CAPRIN1: variants seen among roughly 807,000 people sequenced by gnomAD.
CAPRIN1 encodes the protein caprin-1.
Under a neutral mutation model 100.9 loss-of-function variants are expected in CAPRIN1, and 29 were observed. The observed-to-expected ratio is 0.29, with a 90% CI of 0.21 to 0.39. The LOEUF (loss-of-function observed/expected upper bound fraction) is 0.39. Ranked by LOEUF, CAPRIN1 falls within the 10% of genes least tolerant of loss-of-function variation. The pLI is 1.00. For synonymous variants in CAPRIN1, 338 were observed against 307.5 expected, an observed-to-expected ratio of 1.10 and a Z score of -1.04; for missense variants, 795 against 876.7, an observed-to-expected ratio of 0.91 and a Z score of 1.18.
At chr11:34,056,101 G>C (rs1414759725) in intron 2 of CAPRIN1, among the ~76,000 whole-genome samples, 1 of 152,138 alleles carries the variant, frequency 6.6e-6, no homozygotes, top group African/African-American at 2.4e-5. Context: ...TTCCTCTTTA[G>C]AAACCCTTGT....
Position 34,054,290 on chromosome 11 carries a change from G to A in CAPRIN1, c.216+1654G>A, listed in dbSNP as rs1850402042. On this transcript the variant is annotated intron_variant, in intron 2 of 18. Coordinates refer to ENST00000341394, the MANE Select transcript of CAPRIN1 (RefSeq NM_005898.5). Reference sequence around the variant, plus strand: ...ATTATAGGTAATTGGAATAGTAAATGTAGTTACATCAAGAAAGTAACAAAA... The same window carrying A: ...ATTATAGGTAATTGGAATAGTAAATATAGTTACATCAAGAAAGTAACAAAA... Among the ~76,000 whole-genome samples the A allele has an allele frequency of 2.0e-5, 3 of 152,088 alleles. 1 individual carries two copies. In the South Asian group the frequency reaches 6.2e-4, roughly 32 times the overall value.
chr11:34,072,236 T>C (rs896418196), intron 4 of CAPRIN1, among the ~76,000 whole-genome samples: 3 of 151,826 alleles, frequency 2.0e-5, no homozygotes, highest in Non-Finnish European at 2.9e-5. Flanking sequence ...AGGCCAAGAG[T>C]TCATGGCTGT....
chr11:34,073,765 G>A (rs1850850486), intron 4 of CAPRIN1, among the ~76,000 whole-genome samples: 1 of 152,098 alleles, frequency 6.6e-6, no homozygotes, highest in Non-Finnish European at 1.5e-5. Flanking sequence ...CATCTGATCA[G>A]GGAAGGAAAA....
chr11:34,061,456 C>T (rs973805640), intron 2 of CAPRIN1, among the ~76,000 whole-genome samples: 19 of 151,978 alleles, frequency 1.3e-4, no homozygotes, highest in Non-Finnish European at 2.2e-4. Flanking sequence ...GATTCGTCCA[C>T]TTTGGCCTCC....
intron 18 of CAPRIN1, chr11:34,098,207 T>C (rs1851399821): frequency 5.0e-6 from 5 of 994,140 alleles, no homozygotes; most frequent in Middle Eastern, 5.1e-4. Context: ...GGATAAGCCA[T>C]AGTTAACATT....
In CAPRIN1 at chr11:34,052,553, G is replaced by A; in HGVS notation, c.133G>A (p.Gly45Ser). The A allele has an allele frequency of 6.2e-7, 1 of 1,609,446 alleles. No homozygotes were observed. Among genetic ancestry groups the A allele is most frequent in the Non-Finnish European group, 8.5e-7 (1 of 1,178,560 alleles). ...GCCGGCTTCTCAGCACCCCGCAACC[G>A]GCACCGGCGCTGTCCAGACCGAGGC... ...AAPASQHPAT[G>S]TGAVQTEAMK... The change falls in exon 2 of 19, where the codon GGC becomes AGC. Residue 45 changes from glycine (G) to serine (S), a missense_variant. This residue lies in a region of CAPRIN1 where 109 missense variants were observed against 86.6 expected (regional missense o/e 1.26). Coordinates refer to ENST00000341394, the MANE Select transcript of CAPRIN1 (RefSeq NM_005898.5).
intron 13 of CAPRIN1, 55 bp downstream of exon 13, chr11:34,090,344 A>G: frequency 7.6e-7 from 1 of 1,310,306 alleles, no homozygotes. Context: ...TCATGAATTG[A>G]ACAGATGTAC....
At chr11:34,099,050 G>A (rs1851414129) in intron 18 of CAPRIN1, 11 of 1,336,592 alleles carry the variant, frequency 8.2e-6, no homozygotes, top group African/African-American at 1.5e-5. Context: ...AATATTTGTT[G>A]AATGAATGAA....
At chr11:34,080,487 T>G (rs1851006208) in intron 7 of CAPRIN1, among the ~76,000 whole-genome samples, 1 of 152,230 alleles carries the variant, frequency 6.6e-6, no homozygotes, top group Non-Finnish European at 1.5e-5. Context: ...TGTTTTGTTT[T>G]AATCATGGGG....
At chr11:34,062,850 A>G (rs1850610116) in intron 2 of CAPRIN1, among the ~76,000 whole-genome samples, 1 of 152,148 alleles carries the variant, frequency 6.6e-6, no homozygotes, top group Non-Finnish European at 1.5e-5. Flanking sequence ...AGGAGTTACG[A>G]AGTTTTCCTG....
chr11:34,077,672 T>A (rs1850933905), intron 6 of CAPRIN1, among the ~76,000 whole-genome samples: 1 of 152,188 alleles, frequency 6.6e-6, no homozygotes, highest in Non-Finnish European at 1.5e-5. Flanking sequence ...TATTTATGCA[T>A]TTTTAGCTAT....
chr11:34,067,893 G>A (rs918483316), intron 2 of CAPRIN1, among the ~76,000 whole-genome samples: 2 of 152,142 alleles, frequency 1.3e-5, no homozygotes, highest in African/African-American at 4.8e-5. Flanking sequence ...ATGAAGCTGA[G>A]TTTCACATAC....
rs1851449992 is a variant in CAPRIN1 at position 34,101,290 on chromosome 11, A to T, written c.*1923A>T. On this transcript the variant is annotated 3_prime_UTR_variant, in exon 19 of 19. Coordinates refer to ENST00000341394, the MANE Select transcript of CAPRIN1 (RefSeq NM_005898.5). ...CTGGGATGTACCACAACCATATGTT[A>T]CCTGTATCTTAGGGGAATGGATAAA... The T allele has an allele frequency of 6.6e-6, 1 of 152,156 alleles. No individual in the cohort carries two copies. Among genetic ancestry groups the T allele is most frequent in the Non-Finnish European group, 1.5e-5 (1 of 68,002 alleles). The allele number at this position is 152,156 out of a possible 1,614,324, so 9.4% of individuals were successfully genotyped here. A position where few individuals can be genotyped will look rare whatever the true frequency, so the allele number is the denominator to read the frequency against.
rs1020716400 is a variant in CAPRIN1 at position 34,100,842 on chromosome 11, G to T, written c.*1475G>T. 6.6e-6 allele frequency: 1 copy of T among 152,608 alleles called. No individual in the cohort carries two copies. The highest frequency in any genetic ancestry group is 1.5e-5 in the Non-Finnish European group (1 of 68,024). The allele number at this position is 152,608 out of a possible 1,614,324, so 9.5% of individuals were successfully genotyped here. On this transcript the variant is annotated 3_prime_UTR_variant, in exon 19 of 19. Transcript: ENST00000341394. ...GCCTAGGAAGTTAATGCTGCTTATT[G>T]TCTCATTCTGACTTCATGGAGAATT...
At chr11:34,073,399 GT>G (rs1850840585) in intron 4 of CAPRIN1, among the ~76,000 whole-genome samples, 2 of 152,208 alleles carry the variant, frequency 1.3e-5, no homozygotes, top group South Asian at 4.1e-4. Context: ...TCATACGGTT[GT>G]GCTTAGAACA....
chr11:34,053,180 C>A, intron 2 of CAPRIN1: 2 of 985,594 alleles, frequency 2.0e-6, no homozygotes, highest in Non-Finnish European at 2.4e-6. Context: ...TGTTTAGAAT[C>A]TTAAGGTAGA....
At chr11:34,093,132 G>A (rs967640361) in intron 15 of CAPRIN1, among the ~76,000 whole-genome samples, 2 of 151,734 alleles carry the variant, frequency 1.3e-5, no homozygotes, top group East Asian at 3.9e-4. Context: ...GTCTCCCAGA[G>A]TGGTGGGATT....
chr11:34,097,759 G>A lies in CAPRIN1; in HGVS notation c.2063G>A (p.Arg688Gln), dbSNP rs1420671811. Residue 688 changes from arginine to glutamine, a missense_variant and splice_region_variant, in exon 18 of 19, where the codon CGA (arginine) becomes CAA (glutamine). Physicochemically the swap from Arg to Gln is conservative, Grantham distance 43. Around this residue, in one of 3 missense-constraint regions of CAPRIN1, gnomAD observed 648 missense variants for 697.9 expected, o/e 0.93. Coordinates refer to ENST00000341394, the MANE Select transcript of CAPRIN1 (RefSeq NM_005898.5). ...CAGAGTGGACCACGGGGAGCCCCACGAGGTAATATTTTGTGGTGGTGATCC... is the reference window on the plus strand; with the variant it reads ...CAGAGTGGACCACGGGGAGCCCCACAAGGTAATATTTTGTGGTGGTGATCC... Reference protein sequence around the residue: ...SGQSGPRGAPRGRGGPPRPNR... With the variant: ...SGQSGPRGAPQGRGGPPRPNR... 3 of 1,613,926 alleles carry A rather than the reference G, an allele frequency of 1.9e-6. No homozygotes were observed. Among genetic ancestry groups the A allele is most frequent in the Non-Finnish European group, 2.5e-6 (3 of 1,179,948 alleles).
intron 15 of CAPRIN1, among the ~76,000 whole-genome samples, chr11:34,093,558 G>A (rs1050703159): frequency 6.6e-6 from 1 of 152,168 alleles, no homozygotes; most frequent in African/African-American, 2.4e-5. Flanking sequence ...ACTTGGATCA[G>A]CATTAGATTT....
Sources: allele counts gnomAD v4.1 joint callset (sites outside exome capture counted in the v4.1 genomes callset), GRCh38; gene constraint gnomAD v4.1.1; regional missense constraint gnomAD v4.1.1; transcripts MANE v1.5; gene names NCBI Gene and HGNC (gene_info 2026-07-23, HGNC 2026-07-21).